The following FETUB variants were observed in gnomAD, a reference collection of about 807,000 sequenced individuals.
FETUB encodes fetuin-B.
FETUB carries 28 observed loss-of-function variants against 30.9 expected under a neutral mutation model. That is an observed-to-expected ratio of 0.90 (90% CI 0.67 to 1.24). The LOEUF (loss-of-function observed/expected upper bound fraction) is 1.24, where lower values mean the gene tolerates loss of function less well. Ranked by LOEUF, FETUB falls within the 50% of genes most tolerant of loss-of-function variation. The probability of loss-of-function intolerance (pLI) is 0.00; values close to 1 mark genes in which losing one functional copy is unlikely to be tolerated. For synonymous variants in FETUB, 186 were observed against 175.9 expected (o/e 1.06, Z -0.45); for missense variants, 469 against 455.3 (o/e 1.03, Z -0.27).
chr3:186,644,629 TA>T (rs1717338845), intron 3 of FETUB, 121 bp from the exon 4 acceptor site: 2 of 689,202 alleles, frequency 2.9e-6, no homozygotes, highest in Non-Finnish European at 4.8e-6. Flanking sequence ...TGCTGACAGC[TA>T]ACTTCTATTC....
chr3:186,649,691 G>A (rs868341854), intron 5 of FETUB, among the ~76,000 whole-genome samples: 5 of 152,038 alleles, frequency 3.3e-5, no homozygotes, highest in South Asian at 2.1e-4. Flanking sequence ...GGCTGGTCTC[G>A]AACTCCTAAC....
At position 186,652,949 on chromosome 3, in the gene FETUB, AT is replaced by A. The variant is rs1232987571; in HGVS notation, c.*319del. 1 of 225,774 alleles carries A rather than the reference AT, an allele frequency of 4.4e-6. No individual in the cohort carries two copies. Among genetic ancestry groups the A allele is most frequent in the African/African-American group, 2.3e-5 (1 of 44,170 alleles). The allele number at this position is 225,774 out of a possible 1,614,324, so 14.0% of individuals were successfully genotyped here. ...TAAAGATACTTATCTTTTCAGCAGTATATATGTGCTGAAATCTCAGCATGAA... is the reference window on the plus strand; with the variant it reads ...TAAAGATACTTATCTTTTCAGCAGTAATATGTGCTGAAATCTCAGCATGAA... On this transcript the variant is annotated 3_prime_UTR_variant, in exon 7 of 7. Coordinates refer to ENST00000265029, the MANE Select transcript of FETUB (RefSeq NM_014375.3).
At chr3:186,639,218 G>A (rs1716867369), upstream of FETUB, among the ~76,000 whole-genome samples, 1 of 152,100 alleles carries the variant, frequency 6.6e-6, no homozygotes, top group Non-Finnish European at 1.5e-5. Context: ...GAGAGAAGGG[G>A]ACCAAACACA....
At position 186,642,096 on chromosome 3, in the gene FETUB, G is replaced by A. The variant is rs776712167; in HGVS notation, c.337-375G>A. 4.9e-4 allele frequency: 86 copies of A among 176,764 alleles called. 1 individual carries two copies. Among genetic ancestry groups the A allele is most frequent in the Admixed American group, 3.8e-4 (6 of 15,744 alleles). 10.9% of individuals were successfully genotyped at this position (176,764 alleles called of 1,614,324 possible). On this transcript the variant is annotated intron_variant, in intron 2 of 6. Coordinates refer to ENST00000265029, the MANE Select transcript of FETUB (RefSeq NM_014375.3). ...TCTAGACTCTGCAGCCTCAGCTCAC[G>A]ACTTCCATGGTTACCTGCTCATCTG...
At chr3:186,637,478 C>A (rs758156641), upstream of FETUB, among the ~76,000 whole-genome samples, 85 of 152,188 alleles carry the variant, frequency 5.6e-4, no homozygotes, top group Non-Finnish European at 1.8e-4. Context: ...AGCTCTGCAG[C>A]CAACAATGTC....
At chr3:186,638,347 A>T (rs1223589226), upstream of FETUB, among the ~76,000 whole-genome samples, 7 of 152,058 alleles carry the variant, frequency 4.6e-5, no homozygotes, top group East Asian at 1.4e-3. Flanking sequence ...GGGAAAGAGG[A>T]ACTCTATTCT....
chr3:186,652,658 T>C lies in FETUB; in HGVS notation c.*27T>C. On this transcript the variant is annotated 3_prime_UTR_variant, in exon 7 of 7. Transcript: ENST00000265029. ...AATCACACAGAGTCTTCTGTAGGGG[T>C]ATGGTGCGCCGCATGACATGGGAGG... 2 of 1,568,954 alleles carry C rather than the reference T, an allele frequency of 1.3e-6. No homozygotes were observed. Among genetic ancestry groups the C allele is most frequent in the Non-Finnish European group, 1.7e-6 (2 of 1,160,692 alleles).
intron 5 of FETUB, among the ~76,000 whole-genome samples, chr3:186,650,580 A>T (rs966924699): frequency 4.6e-5 from 7 of 152,154 alleles, no homozygotes; most frequent in African/African-American, 1.7e-4. Context: ...GTTAAGTGAC[A>T]AAATAGAGTT....
At chr3:186,641,780 T>C (rs1005008912) in intron 2 of FETUB, among the ~76,000 whole-genome samples, 1 of 152,238 alleles carries the variant, frequency 6.6e-6, no homozygotes, top group African/African-American at 2.4e-5. Context: ...GAGTACAGAA[T>C]AGTGATGTAA....
chr3:186,647,892 T>A (rs771184813), intron 5 of FETUB, among the ~76,000 whole-genome samples: 1 of 152,180 alleles, frequency 6.6e-6, no homozygotes, highest in South Asian at 2.1e-4. Flanking sequence ...GCTTTTAATG[T>A]CATATCTAAG....
Position 186,651,237 on chromosome 3 carries a change from G to A in FETUB, c.716G>A (p.Gly239Asp). The change falls in exon 6 of 7, where the codon GGT (glycine) becomes GAT (aspartate). Residue 239 changes from glycine to aspartate, a missense_variant. Coordinates refer to ENST00000265029, the MANE Select transcript of FETUB (RefSeq NM_014375.3). Reference protein sequence around the residue: ...SDSVPVGLCKGSLTRTHWEKF... With the variant: ...SDSVPVGLCKDSLTRTHWEKF... The stretch of plus-strand genomic sequence containing the variant: ...TTTTAGCCTGTTGGTCTTTGCAAAG[G>A]TTCTCTGACTCGAACACACTGGGAA... 6.2e-7 allele frequency: 1 copy of A among 1,613,110 alleles called. No homozygotes were observed. Among genetic ancestry groups the A allele is most frequent in the East Asian group, 2.2e-5 (1 of 44,876 alleles).
chr3:186,636,834 C>T (rs1230837066), upstream of FETUB, among the ~76,000 whole-genome samples: 2 of 152,204 alleles, frequency 1.3e-5, no homozygotes, highest in Admixed American at 6.5e-5. Flanking sequence ...AAATACGCTC[C>T]CTGCCTTGTG....
intron 5 of FETUB, chr3:186,647,246 CCAT>C (rs1037539569): frequency 1.0e-3 from 156 of 152,154 alleles, no homozygotes; most frequent in African/African-American, 3.5e-3. Context: ...TATTGTTTAT[CCAT>C]CTATCAGTTG....
upstream of FETUB, among the ~76,000 whole-genome samples, chr3:186,639,783 T>C (rs998271065): frequency 2.6e-5 from 4 of 152,240 alleles, no homozygotes; most frequent in Admixed American, 1.3e-4. Context: ...TCCATACATA[T>C]GCATAAAAGG....
intron 5 of FETUB, among the ~76,000 whole-genome samples, chr3:186,649,850 T>C (rs888877256): frequency 1.3e-5 from 2 of 152,222 alleles, no homozygotes; most frequent in Admixed American, 6.5e-5. Context: ...TGTCCATGTA[T>C]ACCCTTTCTT....
In FETUB at chr3:186,647,715, T is replaced by C. The variant is rs141385827; in HGVS notation, c.696+1366T>C. ...TCTTTTCATTGTTGAATAATAAGAGTCTTTACATATTCTAGATACAATGTC... is the reference window on the plus strand; with the variant it reads ...TCTTTTCATTGTTGAATAATAAGAGCCTTTACATATTCTAGATACAATGTC... On this transcript the variant is annotated intron_variant, in intron 5 of 6. Coordinates refer to ENST00000265029, the MANE Select transcript of FETUB (RefSeq NM_014375.3). Among the ~76,000 whole-genome samples, 557 of 152,230 alleles carry C rather than the reference T, an allele frequency of 3.7e-3. 2 individuals are homozygous for C. Among genetic ancestry groups the C allele is most frequent in the African/African-American group, 0.012 (516 of 41,542 alleles).
upstream of FETUB, among the ~76,000 whole-genome samples, chr3:186,636,890 A>AC (rs1477914770): frequency 6.6e-6 from 1 of 152,024 alleles, no homozygotes; most frequent in Non-Finnish European, 1.5e-5. Flanking sequence ...AGTGAATGTT[A>AC]CCCCCTCTAG....
rs770232891 is a variant in FETUB at position 186,651,252 on chromosome 3, C to T, written c.731C>T (p.Thr244Ile). 7 of 1,613,574 alleles carry T rather than the reference C, an allele frequency of 4.3e-6. No homozygotes were observed. Among genetic ancestry groups the T allele is most frequent in the African/African-American group, 4.0e-5 (3 of 74,922 alleles). The part of the protein sequence containing the change: ...VGLCKGSLTR[T>I]HWEKFVSVTC... Reference sequence around the variant, plus strand: ...CTTTGCAAAGGTTCTCTGACTCGAACACACTGGGAAAAGTTTGTCTCTGTG... The same window carrying T: ...CTTTGCAAAGGTTCTCTGACTCGAATACACTGGGAAAAGTTTGTCTCTGTG... Residue 244 changes from threonine to isoleucine, a missense_variant, in exon 6 of 7, where the codon ACA becomes ATA. Physicochemically the swap from Thr to Ile is moderately conservative, Grantham distance 89. Transcript: ENST00000265029.
chr3:186,646,841 C>G (rs992197427), intron 5 of FETUB, among the ~76,000 whole-genome samples: 2 of 152,182 alleles, frequency 1.3e-5, no homozygotes, highest in African/African-American at 4.8e-5. Flanking sequence ...ACAGTAACAG[C>G]TTTATTAAGA....
Sources: allele counts gnomAD v4.1 joint callset (sites outside exome capture counted in the v4.1 genomes callset), GRCh38; gene constraint gnomAD v4.1.1; transcripts MANE v1.5; gene names NCBI Gene and HGNC (gene_info 2026-07-23, HGNC 2026-07-21).